Variants in SPEN observed in about 807,000 individuals in gnomAD.
SPEN encodes spen family transcriptional repressor.
A neutral mutation model predicts 269.9 loss-of-function variants in SPEN; 18 were observed. The ratio of observed to expected loss-of-function variants is 0.07; its 90% CI spans 0.05 to 0.10. The LOEUF (loss-of-function observed/expected upper bound fraction) is 0.10, where lower values mean the gene tolerates loss of function less well. Among genes scored for constraint, SPEN ranks in the 10% least tolerant of loss-of-function variants. The pLI, the probability that SPEN is intolerant of heterozygous loss-of-function variation, is 1.00. For missense variants in SPEN, 3,822 were observed against 4,631.2 expected (o/e 0.83, Z 5.07); for synonymous variants, 1,726 against 1,765.7 (o/e 0.98, Z 0.56).
intron 1 of SPEN, among the ~76,000 whole-genome samples, chr1:15,868,396 A>C (rs1402474385): frequency 1.3e-5 from 2 of 151,404 alleles, no homozygotes; most frequent in Admixed American, 1.3e-4. Context: ...CCTATTCCAT[A>C]GGTTTATGTA....
chr1:15,938,581 T>TC, intron 13 of SPEN, 137 bp from the exon 14 acceptor site: 3 of 449,550 alleles, frequency 6.7e-6, no homozygotes, highest in Non-Finnish European at 1.0e-5. Context: ...TTTTTTTTTT[T>TC]TTTCATTCAA....
At chr1:15,867,015 C>T (rs1183834926) in intron 1 of SPEN, among the ~76,000 whole-genome samples, 1 of 152,036 alleles carries the variant, frequency 6.6e-6, no homozygotes, top group African/African-American at 2.4e-5. Flanking sequence ...ATAAAATTTA[C>T]CCATTTAAAG....
intron 1 of SPEN, among the ~76,000 whole-genome samples, chr1:15,861,297 A>G (rs2070446302): frequency 6.6e-6 from 1 of 151,740 alleles, no homozygotes; most frequent in Admixed American, 6.6e-5. Context: ...ACACCTGGCT[A>G]ATTTTTGTAT....
In SPEN at chr1:15,928,377, C is replaced by T. The variant is rs761290842; in HGVS notation, c.2137C>T (p.Arg713Trp). 94 of 1,613,936 alleles carry T rather than the reference C, an allele frequency of 5.8e-5. No individual in the cohort carries two copies. The highest frequency in any genetic ancestry group is 1.6e-4 in the Middle Eastern group (1 of 6,084). ...ERERERFESD[R>W]DRDHERRPIE... ...AGAACGTGAAAGATTTGAGTCTGAC[C>T]GGGACAGAGACCATGAGAGGAGGCC... Residue 713 changes from arginine to tryptophan, a missense_variant, in exon 11 of 15, where the codon CGG (arginine) becomes TGG (tryptophan). Physicochemically the swap from Arg to Trp is moderately radical, Grantham distance 101 (BLOSUM62 -3). Transcript: ENST00000375759. This position sits in a 1 kb window ranked among gnomAD's most constrained non-coding sequence, Gnocchi z 5.7.
chr1:15,931,044 C>G lies in SPEN; in HGVS notation c.4804C>G (p.Gln1602Glu), dbSNP rs746141011. The G allele has an allele frequency of 1.9e-5, 30 of 1,613,328 alleles. No homozygotes were observed. The highest frequency in any genetic ancestry group is 2.3e-5 in the Non-Finnish European group (27 of 1,179,900). Reference protein sequence around the residue: ...RMQQKEKEKDQKPKEVEKQED... With the variant: ...RMQQKEKEKDEKPKEVEKQED... ...GCAACAGAAAGAAAAAGAAAAAGAC[C>G]AGAAACCCAAAGAGGTTGAGAAACA... The change falls in exon 11 of 15, where the codon CAG (glutamine) becomes GAG (glutamate). Residue 1602 changes from glutamine to glutamate, a missense_variant. Gln to Glu is a conservative substitution (Grantham distance 29). This residue lies in a region of SPEN where 533 missense variants were observed against 618.8 expected (regional missense o/e 0.86). Transcript: ENST00000375759. The surrounding 1 kb of genome is among the most constrained non-coding windows in gnomAD (Gnocchi z 4.8).
In SPEN at chr1:15,938,720, G is replaced by A; in HGVS notation, c.10707G>A (p.Val3569=). 1 of 1,613,212 alleles carries A rather than the reference G, an allele frequency of 6.2e-7. No individual in the cohort carries two copies. The highest frequency in any genetic ancestry group is 8.5e-7 in the Non-Finnish European group (1 of 1,179,714). The change falls in exon 14 of 15, where the codon GTG becomes GTA. Residue 3569 remains valine (V), a splice_region_variant and synonymous_variant. Coordinates refer to ENST00000375759, the MANE Select transcript of SPEN (RefSeq NM_015001.3). ...QLEGVARRMT[V]ETDYCLLLAL... ...CTGGCAGCTGGCCTCTGCCTCAGGT[G>A]GAGACAGATTACTGTCTGCTGCTGG...
intron 8 of SPEN, among the ~76,000 whole-genome samples, chr1:15,920,467 A>G (rs1033984124): frequency 1.3e-5 from 2 of 152,362 alleles, no homozygotes; most frequent in South Asian, 4.1e-4. Flanking sequence ...ACTTGTAGCC[A>G]AAGTTCACAG....
rs187813563 is a variant in SPEN at position 15,862,836 on chromosome 1, A to G, written c.84-9980A>G. Among the ~76,000 whole-genome samples the G allele has an allele frequency of 4.5e-3, 681 of 150,888 alleles. 5 individuals carry two copies. The highest frequency in any genetic ancestry group is 7.7e-3 in the Non-Finnish European group (522 of 67,884). ...GAGTGCAGTGATGCAATCTCAGCTT[A>G]CTGTAAGCTCCGCCTCCCAGGTTCA... On this transcript the variant is annotated intron_variant, in intron 1 of 14. Coordinates refer to ENST00000375759, the MANE Select transcript of SPEN (RefSeq NM_015001.3).
chr1:15,936,685 C>A (rs2071278785), intron 11 of SPEN, among the ~76,000 whole-genome samples: 1 of 151,846 alleles, frequency 6.6e-6, no homozygotes, highest in African/African-American at 2.4e-5. Context: ...GCCTGTAATC[C>A]CAACACTTTG....
intron 1 of SPEN, among the ~76,000 whole-genome samples, chr1:15,860,469 G>C (rs957640455): frequency 6.7e-6 from 1 of 149,140 alleles, no homozygotes; most frequent in Admixed American, 6.7e-5. Context: ...GTGTGTGTGT[G>C]TGTGTGTAGA....
In SPEN at chr1:15,921,199, C is replaced by T. The variant is rs567836520; in HGVS notation, c.1749+216C>T. On this transcript the variant is annotated intron_variant, in intron 9 of 14. Transcript: ENST00000375759. ...GAAAAATTAGCCGGGCTTGGTGGCG[C>T]GTGCCTGTTAATCCCAGCTACTTGG... Among the ~76,000 whole-genome samples the T allele has an allele frequency of 1.1e-4, 17 of 152,214 alleles. 1 individual carries two copies. The South Asian group carries it at 2.7e-3, about 24-fold the overall frequency.
rs199971326 is a variant in SPEN at position 15,934,058 on chromosome 1, C to A, written c.7818C>A (p.Asp2606Glu). 1 of 1,611,050 alleles carries A rather than the reference C, an allele frequency of 6.2e-7. No homozygotes were observed. The highest frequency in any genetic ancestry group is 8.5e-7 in the Non-Finnish European group (1 of 1,177,796). Residue 2606 changes from aspartate (D) to glutamate (E), a missense_variant, in exon 11 of 15, where the codon GAC becomes GAA. This residue lies in a region of SPEN where 329 missense variants were observed against 431.2 expected (regional missense o/e 0.76). Transcript: ENST00000375759. This position sits in a 1 kb window ranked among gnomAD's most constrained non-coding sequence, Gnocchi z 9.2. Reference protein sequence around the residue: ...IQASEVLVAADKEKVAPVIAP... With the variant: ...IQASEVLVAAEKEKVAPVIAP... ...CCTCGGAGGTGCTGGTAGCTGCTGA[C>A]AAGGAAAAGGTGGCTCCAGTCATTG... is the stretch of plus-strand genomic sequence containing the variant.
At chr1:15,927,820 C>G (rs1269446972) in intron 10 of SPEN, among the ~76,000 whole-genome samples, 1 of 152,164 alleles carries the variant, frequency 6.6e-6, no homozygotes, top group Non-Finnish European at 1.5e-5. Context: ...AACGTTGTTT[C>G]AACATATAAT....
At position 15,848,166 on chromosome 1, in the gene SPEN, C is replaced by G. The variant is rs199859041; in HGVS notation, c.83+16C>G. 6.5e-4 allele frequency: 936 copies of G among 1,443,118 alleles called. 6 individuals carry two copies. The African/African-American group carries it at 0.012, about 18-fold the overall frequency. The allele number at this position is 1,443,118 out of a possible 1,614,324, so 89.4% of individuals were successfully genotyped here. A position where few individuals can be genotyped will look rare whatever the true frequency, so the allele number is the denominator to read the frequency against. ...ATTTCAAACGGTGAGTGACACGAGG[C>G]CCGCGGCCGCGCTCGCTCCTCGGGC... On this transcript the variant is annotated intron_variant, in intron 1 of 14. Coordinates refer to ENST00000375759, the MANE Select transcript of SPEN (RefSeq NM_015001.3). This position sits in a 1 kb window ranked among gnomAD's most constrained non-coding sequence, Gnocchi z 5.1.
chr1:15,926,507 C>T (rs2071169424), intron 10 of SPEN, among the ~76,000 whole-genome samples: 1 of 151,582 alleles, frequency 6.6e-6, no homozygotes, highest in South Asian at 2.1e-4. Flanking sequence ...AATGTTCAGT[C>T]TAGATGCTTC....
chr1:15,935,774 A>G lies in SPEN; in HGVS notation c.9534A>G (p.Leu3178=). The part of the protein sequence containing the change: ...RATAPVQSEV[L]VMQSEYRLHP... The stretch of plus-strand genomic sequence containing the variant: ...CAGCCCCTGTGCAGTCAGAGGTACT[A>G]GTCATGCAGTCTGAGTACCGACTGC... The change falls in exon 11 of 15, where the codon CTA becomes CTG. Residue 3178 remains leucine, a synonymous_variant. Transcript: ENST00000375759. The surrounding 1 kb of genome is among the most constrained non-coding windows in gnomAD (Gnocchi z 7.7). The G allele has an allele frequency of 3.1e-6, 5 of 1,613,846 alleles. No homozygotes were observed. Among genetic ancestry groups the G allele is most frequent in the Non-Finnish European group, 4.2e-6 (5 of 1,179,970 alleles).
At chr1:15,850,661 CA>C (rs2070326924) in intron 1 of SPEN, among the ~76,000 whole-genome samples, 2 of 152,160 alleles carry the variant, frequency 1.3e-5, no homozygotes, top group Non-Finnish European at 2.9e-5. Context: ...TGGAGGAACT[CA>C]AGGCCTTTTA....
chr1:15,876,758 T>C (rs1260411467), intron 3 of SPEN, 80 bp downstream of exon 3: 2 of 1,062,360 alleles, frequency 1.9e-6, no homozygotes, highest in Non-Finnish European at 2.8e-6. Flanking sequence ...GGTTTCAGCA[T>C]AGTATTATTT....
At chr1:15,867,589 C>G (rs914727363) in intron 1 of SPEN, among the ~76,000 whole-genome samples, 1 of 152,012 alleles carries the variant, frequency 6.6e-6, no homozygotes, top group African/African-American at 2.4e-5. Flanking sequence ...ATGAAAATAT[C>G]TGTATATTTG....
Sources: gnomAD v4.1 joint callset for allele counts (sites outside exome capture counted in the v4.1 genomes callset) on GRCh38, gnomAD v4.1.1 for gene constraint, gnomAD v4.1.1 regional missense constraint, Gnocchi (gnomAD v3.1) non-coding constraint, MANE v1.5 for transcripts, NCBI Gene and HGNC (gene_info 2026-07-23, HGNC 2026-07-21) for gene names.